ABCC9: variants seen among roughly 807,000 people sequenced by gnomAD.
ABCC9 encodes ATP binding cassette subfamily C member 9, also known as ATP-binding cassette sub-family C member 9.
A neutral mutation model predicts 188.3 loss-of-function variants in ABCC9; 95 were observed. That is an observed-to-expected ratio of 0.50 (90% CI 0.43 to 0.60). ABCC9 has a LOEUF of 0.60. Among genes scored for constraint, ABCC9 ranks in the 20% least tolerant of loss-of-function variants. The pLI is 0.00. For synonymous variants in ABCC9, 659 were observed against 652.7 expected (o/e 1.01, Z -0.15); for missense variants, 1,102 against 1,876.3 (o/e 0.59, Z 7.62).
chr12:21,870,008 G>C (rs950249258), intron 18 of ABCC9, among the ~76,000 whole-genome samples: 1 of 152,050 alleles, frequency 6.6e-6, no homozygotes, highest in Non-Finnish European at 1.5e-5. Context: ...AGATGTTGAA[G>C]ATCTGCATAC....
chr12:21,893,945 C>CT, intron 14 of ABCC9, 87 bp downstream of exon 14: 2 of 1,390,726 alleles, frequency 1.4e-6, no homozygotes, highest in Admixed American at 1.9e-5. Flanking sequence ...TTTTAATGTT[C>CT]TTTTTTATAT....
chr12:21,892,008 A>G (rs1240910914), intron 14 of ABCC9, among the ~76,000 whole-genome samples: 1 of 152,218 alleles, frequency 6.6e-6, no homozygotes, highest in Non-Finnish European at 1.5e-5. Flanking sequence ...AGGACCTGCA[A>G]TTCAACCACT....
chr12:21,853,000 G>C (rs1945045035), intron 22 of ABCC9, among the ~76,000 whole-genome samples: 1 of 152,136 alleles, frequency 6.6e-6, no homozygotes, highest in African/African-American at 2.4e-5. Flanking sequence ...TTGAATTCTA[G>C]ATAACAAAAC....
At chr12:21,817,998 G>A (rs2137193080) in intron 32 of ABCC9, 152 bp downstream of exon 32, 1 of 682,294 alleles carries the variant, frequency 1.5e-6, no homozygotes, top group Non-Finnish European at 2.7e-6. Flanking sequence ...CACCCTCTAA[G>A]TTCCCTCCCC....
intron 15 of ABCC9, among the ~76,000 whole-genome samples, chr12:21,884,305 A>G (rs1471769312): frequency 4.6e-5 from 7 of 152,108 alleles, no homozygotes; most frequent in Non-Finnish European, 7.4e-5. Context: ...ACACCTGGAT[A>G]CAAGCTATCT....
intron 5 of ABCC9, 119 bp from the exon 6 acceptor site, chr12:21,917,222 T>C (rs1948633448): frequency 9.9e-7 from 1 of 1,011,220 alleles, no homozygotes; most frequent in African/African-American, 1.6e-5. Context: ...TATTTCCACA[T>C]GGTTTTACTT....
At chr12:21,879,660 AGACCATT>A (rs1296088769) in intron 16 of ABCC9, among the ~76,000 whole-genome samples, 1 of 152,120 alleles carries the variant, frequency 6.6e-6, no homozygotes, top group Non-Finnish European at 1.5e-5. Context: ...GGGCACACAC[AGACCATT>A]GTCCATTTTC....
At chr12:21,936,829 C>A in intron 2 of ABCC9, 135 bp from the exon 3 acceptor site, 1 of 651,990 alleles carries the variant, frequency 1.5e-6, no homozygotes, top group Admixed American at 3.3e-5. Context: ...AAATAAGAAA[C>A]TCTGTGCCAA....
intron 16 of ABCC9, 133 bp downstream of exon 16, chr12:21,882,632 TA>T: frequency 1.3e-6 from 1 of 750,964 alleles, no homozygotes; most frequent in Non-Finnish European, 2.1e-6. Context: ...AATTTTTTTT[TA>T]AATGTTATTA....
intron 14 of ABCC9, among the ~76,000 whole-genome samples, chr12:21,890,001 G>A (rs539388653): frequency 5.5e-4 from 84 of 152,230 alleles, no homozygotes; most frequent in South Asian, 3.9e-3. Flanking sequence ...CTGTGAACTC[G>A]TTAGCAGCAA....
intron 14 of ABCC9, among the ~76,000 whole-genome samples, chr12:21,890,775 A>T (rs1947118908): frequency 6.6e-6 from 1 of 151,198 alleles, no homozygotes; most frequent in Non-Finnish European, 1.5e-5. Flanking sequence ...AACAATGAGA[A>T]CACATGGACA....
intron 29 of ABCC9, among the ~76,000 whole-genome samples, chr12:21,839,310 T>C (rs1944260504): frequency 6.6e-6 from 1 of 152,232 alleles, no homozygotes. Context: ...TGGCTATTTC[T>C]AGTTTAACAG....
intron 11 of ABCC9, among the ~76,000 whole-genome samples, chr12:21,907,472 T>A (rs1948099182): frequency 6.6e-6 from 1 of 152,050 alleles, no homozygotes; most frequent in African/African-American, 2.4e-5. Flanking sequence ...CTGTCAACAA[T>A]TTTATTATTT....
intron 31 of ABCC9, chr12:21,828,698 C>T: frequency 2.2e-6 from 1 of 460,982 alleles, no homozygotes; most frequent in Admixed American, 3.4e-5. Context: ...AAATATTTGC[C>T]ATTCCATTAA....
rs1948640025 is a variant in ABCC9 at position 21,917,334 on chromosome 12, T to A, written c.407-231A>T. Among the ~76,000 whole-genome samples, 4 of 152,160 alleles carry A rather than the reference T, an allele frequency of 2.6e-5. No homozygotes were observed. In the South Asian group the frequency reaches 6.2e-4, roughly 24 times the overall value. Reference sequence around the variant, plus strand: ...GTGCGTCCATCCTGACCGTACATGATAGATGGGAGGATGTAAAGAGATATA... The same window carrying A: ...GTGCGTCCATCCTGACCGTACATGAAAGATGGGAGGATGTAAAGAGATATA... On this transcript the variant is annotated intron_variant, in intron 5 of 39. Transcript: ENST00000261200.
chr12:21,930,163 C>CT (rs1488918189), intron 4 of ABCC9, among the ~76,000 whole-genome samples: 8 of 152,036 alleles, frequency 5.3e-5, no homozygotes, highest in Non-Finnish European at 8.8e-5. Flanking sequence ...TGAACTCATC[C>CT]TTTTTTATGG....
chr12:21,802,122 A>G (rs951693520), intron 39 of ABCC9, among the ~76,000 whole-genome samples: 1 of 152,122 alleles, frequency 6.6e-6, no homozygotes, highest in Admixed American at 6.5e-5. Context: ...TGGCTTTACC[A>G]CCTGTTAGTA....
chr12:21,896,350 C>T (rs928343580), intron 12 of ABCC9, among the ~76,000 whole-genome samples: 2 of 152,024 alleles, frequency 1.3e-5, no homozygotes, highest in Admixed American at 6.6e-5. Flanking sequence ...TGTACAGTAC[C>T]GCGAATCCAA....
chr12:21,929,968 T>G (rs1263446774), intron 4 of ABCC9, among the ~76,000 whole-genome samples: 1 of 150,150 alleles, frequency 6.7e-6, no homozygotes, highest in African/African-American at 2.5e-5. Flanking sequence ...TATCTCCTAA[T>G]GCTATCCCTC....
Sources: gnomAD v4.1 joint callset for allele counts (sites outside exome capture counted in the v4.1 genomes callset) on GRCh38, gnomAD v4.1.1 for gene constraint, MANE v1.5 for transcripts, NCBI Gene and HGNC (gene_info 2026-07-23, HGNC 2026-07-21) for gene names.